The following PLEKHA7 variants were observed in gnomAD, a reference collection of about 807,000 sequenced individuals.
The protein encoded by PLEKHA7 is pleckstrin homology domain-containing family A member 7.
A neutral mutation model predicts 170.0 loss-of-function variants in PLEKHA7; 104 were observed. The ratio of observed to expected loss-of-function variants is 0.61; its 90% CI spans 0.52 to 0.72. PLEKHA7 has a LOEUF of 0.72. Among genes scored for constraint, PLEKHA7 ranks in the 30% least tolerant of loss-of-function variants. The pLI, the probability that PLEKHA7 is intolerant of heterozygous loss-of-function variation, is 0.00. For missense variants in PLEKHA7, 1,615 were observed against 1,671.7 expected (o/e 0.97, Z 0.59); for synonymous variants, 648 against 660.8 (o/e 0.98, Z 0.30).
chr11:16,794,972 G>A lies in PLEKHA7; in HGVS notation c.2456C>T (p.Thr819Ile), dbSNP rs1848120130. 1 of 1,613,910 alleles carries A rather than the reference G, an allele frequency of 6.2e-7. No homozygotes were observed. The highest frequency in any genetic ancestry group is 1.7e-5 in the Admixed American group (1 of 59,998). The change falls in exon 18 of 27, where the codon ACT becomes ATT. Residue 819 changes from threonine to isoleucine, a missense_variant. Transcript: ENST00000531066. The part of the protein sequence containing the change: ...QKDLWRIEDV[T>I]AGLSANKENF... ...CTCTTTATTTGCACTCAGGCCTGCA[G>A]TGACATCTTCAATTCTCCATAGATC...
chr11:16,976,772 G>C (rs1346292938), intron 3 of PLEKHA7, among the ~76,000 whole-genome samples: 1 of 152,086 alleles, frequency 6.6e-6, no homozygotes, highest in South Asian at 2.1e-4. Flanking sequence ...TCATTTTTTT[G>C]GTCTCATAGG....
rs188888003 is a variant in PLEKHA7, at chr11:16,949,426, G to A, written c.221+64563C>T. On this transcript the variant is annotated intron_variant, in intron 3 of 26. Coordinates refer to ENST00000531066, the MANE Select transcript of PLEKHA7 (RefSeq NM_001329630.2). ...GTGAACAACATGGGGAGGGAGCGGT[G>A]TGACTGAAAATTGTAAACTCTCAGA... Among the ~76,000 whole-genome samples, 305 of 152,320 alleles carry A rather than the reference G, an allele frequency of 2.0e-3. 2 individuals carry two copies. The highest frequency in any genetic ancestry group is 7.0e-3 in the African/African-American group (290 of 41,568).
intron 3 of PLEKHA7, among the ~76,000 whole-genome samples, chr11:17,008,007 T>A (rs1004780141): frequency 6.6e-6 from 1 of 152,246 alleles, no homozygotes; most frequent in African/African-American, 2.4e-5. Flanking sequence ...ATTTTCATTT[T>A]ACACTGAGGC....
intron 3 of PLEKHA7, among the ~76,000 whole-genome samples, chr11:16,924,478 C>T (rs1037242054): frequency 6.6e-6 from 1 of 152,202 alleles, no homozygotes; most frequent in Non-Finnish European, 1.5e-5. Flanking sequence ...AGGTCTCCTA[C>T]ACCTGGTCTG....
rs866764579 is a variant in PLEKHA7 at position 16,836,376 on chromosome 11, T to A, written c.872+5171A>T. On this transcript the variant is annotated intron_variant, in intron 9 of 26. Transcript: ENST00000531066. ...CAGTGACATGAACCAATAAATTCCC[T>A]CCTTTTAAAGGTAAATTTCTCTGTA... Among the ~76,000 whole-genome samples, 8 of 152,312 alleles carry A rather than the reference T, an allele frequency of 5.3e-5. No homozygotes were observed. In the South Asian group the frequency reaches 1.0e-3, roughly 20 times the overall value.
chr11:16,856,007 G>T, intron 4 of PLEKHA7, 93 bp from the exon 5 acceptor site: 1 of 1,071,146 alleles, frequency 9.3e-7, no homozygotes, highest in Non-Finnish European at 1.4e-6. Flanking sequence ...CGGTTGTTGG[G>T]CCTTAGAACA....
intron 9 of PLEKHA7, among the ~76,000 whole-genome samples, chr11:16,831,977 C>T (rs1157215001): frequency 6.6e-6 from 1 of 152,210 alleles, no homozygotes; most frequent in Non-Finnish European, 1.5e-5. Context: ...TATAACATAG[C>T]TTTGGCCAAT....
At chr11:16,942,320 T>C (rs938992278) in intron 3 of PLEKHA7, among the ~76,000 whole-genome samples, 3 of 152,194 alleles carry the variant, frequency 2.0e-5, no homozygotes, top group African/African-American at 7.2e-5. Context: ...AGCTAATGGC[T>C]GGGCTTCTAC....
chr11:16,823,767 T>G lies in PLEKHA7; in HGVS notation c.1343+2353A>C, dbSNP rs147412403. 3.2e-3 allele frequency among the ~76,000 whole-genome samples: 480 copies of G among 152,260 alleles called. 3 individuals are homozygous for G. Among genetic ancestry groups the G allele is most frequent in the African/African-American group, 0.011 (455 of 41,542 alleles). ...TGTTCCTTCCTTACCCTTCCCTATC[T>G]CAGTAACCGTCCAGTTGCTCAAGTC... On this transcript the variant is annotated intron_variant, in intron 10 of 26. Transcript: ENST00000531066.
At chr11:16,968,944 C>G (rs1201418224) in intron 3 of PLEKHA7, among the ~76,000 whole-genome samples, 1 of 152,200 alleles carries the variant, frequency 6.6e-6, no homozygotes, top group Non-Finnish European at 1.5e-5. Flanking sequence ...TAACCTAGGT[C>G]CTTCCTACTT....
At chr11:16,786,091 T>A in intron 24 of PLEKHA7, 138 bp downstream of exon 24, 1 of 979,208 alleles carries the variant, frequency 1.0e-6, no homozygotes, top group South Asian at 1.8e-5. Context: ...TAAGCTGCTA[T>A]CCATCCATCC....
intron 10 of PLEKHA7, among the ~76,000 whole-genome samples, chr11:16,823,881 A>G (rs755873467): frequency 2.6e-5 from 4 of 152,254 alleles, no homozygotes; most frequent in Non-Finnish European, 5.9e-5. Context: ...ATGAACGGAT[A>G]AACAAAATGT....
chr11:16,872,131 G>T (rs1438510799), intron 3 of PLEKHA7, among the ~76,000 whole-genome samples: 1 of 151,852 alleles, frequency 6.6e-6, no homozygotes, highest in African/African-American at 2.4e-5. Context: ...ACCACGCCCG[G>T]CTTATTTTTG....
chr11:16,847,086 T>TTTTC, intron 8 of PLEKHA7, among the ~76,000 whole-genome samples: 11 of 121,110 alleles, frequency 9.1e-5, no homozygotes, highest in East Asian at 2.7e-4. Flanking sequence ...AAGTTTTTTT[T>TTTTC]TTTCTTTTTT....
intron 3 of PLEKHA7, among the ~76,000 whole-genome samples, chr11:16,980,919 C>G (rs1863387591): frequency 7.6e-6 from 1 of 131,038 alleles, no homozygotes; most frequent in Non-Finnish European, 1.7e-5. Context: ...AGATACGGCC[C>G]AATGATGAAG....
chr11:16,871,075 A>C, intron 4 of PLEKHA7, 24 bp downstream of exon 4: 1 of 1,532,854 alleles, frequency 6.5e-7, no homozygotes, highest in East Asian at 2.3e-5. Flanking sequence ...TGCCCAGATA[A>C]GGAGAATACA....
At chr11:16,950,524 G>A (rs1418917335) in intron 3 of PLEKHA7, among the ~76,000 whole-genome samples, 1 of 150,254 alleles carries the variant, frequency 6.7e-6, no homozygotes, top group East Asian at 1.9e-4. Context: ...TTCATAAAAG[G>A]AAATCTCTGC....
intron 3 of PLEKHA7, among the ~76,000 whole-genome samples, chr11:16,947,835 G>A (rs981371078): frequency 2.0e-5 from 3 of 149,686 alleles, no homozygotes; most frequent in Admixed American, 2.0e-4. Flanking sequence ...AGAATTACTT[G>A]AGCCTTGGAG....
chr11:16,909,508 G>A (rs1202710551), intron 3 of PLEKHA7, among the ~76,000 whole-genome samples: 1 of 152,224 alleles, frequency 6.6e-6, no homozygotes, highest in Admixed American at 6.5e-5. Context: ...TAGATACAGA[G>A]TAGGGCCTGC....
Sources: allele counts gnomAD v4.1 joint callset (sites outside exome capture counted in the v4.1 genomes callset), GRCh38; gene constraint gnomAD v4.1.1; transcripts MANE v1.5; gene names NCBI Gene and HGNC (gene_info 2026-07-23, HGNC 2026-07-21).